The following DST variants were observed in gnomAD, a reference collection of about 807,000 sequenced individuals.
DST encodes dystonin.
Under a neutral mutation model 875.2 loss-of-function variants are expected in DST, and 253 were observed. That is an observed-to-expected ratio of 0.29 (90% CI 0.26 to 0.32). The LOEUF is 0.32. DST is among the 10% of genes least tolerant of loss of function. The pLI is 1.00. For missense variants in DST, 8,287 were observed against 9,111.6 expected (o/e 0.91, Z 3.68); for synonymous variants, 3,124 against 3,197.1 (o/e 0.98, Z 0.77).
In DST at chr6:56,522,339, C is replaced by A. The variant is rs76758085; in HGVS notation, c.18129+4022G>T. ...AGCCTGAGATTCTAACGAAGGTGGT[C>A]TGACTTCTAGACTGCCAAATATCAC... On this transcript the variant is annotated intron_variant, in intron 69 of 103. Transcript: ENST00000680361. Among the ~76,000 whole-genome samples, 1,020 of 152,240 alleles carry A rather than the reference C, an allele frequency of 6.7e-3. 10 individuals are homozygous for A. The highest frequency in any genetic ancestry group is 0.023 in the African/African-American group (965 of 41,546).
intron 36 of DST, chr6:56,615,041 C>T: frequency 3.0e-6 from 3 of 1,002,084 alleles, no homozygotes; most frequent in Non-Finnish European, 3.6e-6. Flanking sequence ...AAAGGCAAAA[C>T]TTTTTCATTT....
chr6:56,903,867 C>A (rs1482409284), intron 2 of DST, among the ~76,000 whole-genome samples: 1 of 152,080 alleles, frequency 6.6e-6, no homozygotes, highest in Admixed American at 6.6e-5. Context: ...TCTTTTATAC[C>A]CAAATTTACT....
chr6:56,547,628 T>C (rs1049140247), intron 61 of DST, among the ~76,000 whole-genome samples: 1 of 152,204 alleles, frequency 6.6e-6, no homozygotes, highest in Non-Finnish European at 1.5e-5. Context: ...ATGAACACTT[T>C]AAAAGTACTA....
chr6:56,485,355 T>A lies in DST; in HGVS notation c.21164A>T (p.His7055Leu). Residue 7055 changes from histidine to leucine, a missense_variant, in exon 88 of 104, where the codon CAT becomes CTT. By Grantham distance (99) the His-to-Leu change is moderately conservative. Coordinates refer to ENST00000680361, the MANE Select transcript of DST (RefSeq NM_001374736.1). Reference sequence around the variant, plus strand: ...ATTCATCACCAAATCAATGTCTCCATGAACAGGCTGGTCTTCTGCCAGCTG... The same window carrying A: ...ATTCATCACCAAATCAATGTCTCCAAGAACAGGCTGGTCTTCTGCCAGCTG... ...EPQLAEDQPV[H>L]GDIDLVMNLI... 1 of 1,613,882 alleles carries A rather than the reference T, an allele frequency of 6.2e-7. No individual in the cohort carries two copies. The highest frequency in any genetic ancestry group is 8.5e-7 in the Non-Finnish European group (1 of 1,179,832).
At chr6:56,477,180 A>G (rs2095235206) in intron 91 of DST, among the ~76,000 whole-genome samples, 165 bp downstream of exon 91, 2 of 152,198 alleles carry the variant, frequency 1.3e-5, no homozygotes, top group Admixed American at 1.3e-4. Context: ...AGAAAAGTGA[A>G]TTGCAGAGAT....
At chr6:56,610,283 T>C in intron 39 of DST, 144 bp downstream of exon 39, 1 of 623,572 alleles carries the variant, frequency 1.6e-6, no homozygotes, top group Non-Finnish European at 2.6e-6. Flanking sequence ...CACTGGAATC[T>C]CCAAACATTT....
In DST at chr6:56,617,037, G is replaced by A. The variant is rs758459323; in HGVS notation, c.4930-2553C>T. On this transcript the variant is annotated intron_variant, in intron 36 of 103. Coordinates refer to ENST00000680361, the MANE Select transcript of DST (RefSeq NM_001374736.1). Reference sequence around the variant, plus strand: ...GAAATCTTTTCTTTTGTAGATTCTAGGTAAAGCCCTGCAATTGAGGTGGCT... The same window carrying A: ...GAAATCTTTTCTTTTGTAGATTCTAAGTAAAGCCCTGCAATTGAGGTGGCT... 3.7e-6 allele frequency: 6 copies of A among 1,613,854 alleles called. No individual in the cohort carries two copies. In the East Asian group the frequency reaches 1.3e-4, roughly 36 times the overall value.
intron 10 of DST, among the ~76,000 whole-genome samples, chr6:56,652,407 A>G (rs530224186): frequency 6.6e-6 from 1 of 152,224 alleles, no homozygotes; most frequent in African/African-American, 2.4e-5. Flanking sequence ...AAAATCACTG[A>G]GTAAGAACCT....
Position 56,566,634 on chromosome 6 carries a change from T to C in DST, c.14005+1835A>G, listed in dbSNP as rs367697670. Among the ~76,000 whole-genome samples, 44 of 152,320 alleles carry C rather than the reference T, an allele frequency of 2.9e-4. No individual in the cohort carries two copies. The East Asian group carries it at 4.6e-3, about 16-fold the overall frequency. On this transcript the variant is annotated intron_variant, in intron 55 of 103. Coordinates refer to ENST00000680361, the MANE Select transcript of DST (RefSeq NM_001374736.1). ...CACTGGGAGCTGCAGACTGGAGCTG[T>C]TCCTATTCAGCCATCTTGCCAGCCA...
At chr6:56,473,771 C>T in intron 93 of DST, 102 bp downstream of exon 93, 1 of 1,080,478 alleles carries the variant, frequency 9.3e-7, no homozygotes, top group Non-Finnish European at 1.3e-6. Context: ...ATCAAGTGCT[C>T]ATGTAAAATC....
At chr6:56,557,227 A>G in intron 59 of DST, 92 bp downstream of exon 59, 1 of 1,232,224 alleles carries the variant, frequency 8.1e-7, no homozygotes. Flanking sequence ...TAAAACACCT[A>G]CTGACCAAAG....
At chr6:56,897,130 T>C (rs1262426931) in intron 3 of DST, among the ~76,000 whole-genome samples, 2 of 152,154 alleles carry the variant, frequency 1.3e-5, no homozygotes, top group Admixed American at 6.5e-5. Context: ...TATCTTGAGT[T>C]GATTTTTGTA....
intron 60 of DST, among the ~76,000 whole-genome samples, chr6:56,554,252 T>C (rs1185392200): frequency 2.6e-5 from 4 of 151,564 alleles, no homozygotes; most frequent in African/African-American, 9.7e-5. Context: ...GCCCGGCTAA[T>C]TTTTTGTATT....
intron 4 of DST, among the ~76,000 whole-genome samples, chr6:56,824,354 C>G (rs895513910): frequency 1.3e-5 from 2 of 152,190 alleles, no homozygotes; most frequent in African/African-American, 4.8e-5. Flanking sequence ...GATCTCGGCT[C>G]GCTACAACCA....
chr6:56,900,956 C>A (rs116671634), intron 2 of DST, among the ~76,000 whole-genome samples: 1 of 151,092 alleles, frequency 6.6e-6, no homozygotes, highest in Non-Finnish European at 1.5e-5. Context: ...TGAAGAAGGG[C>A]GTTTCCATTT....
At chr6:56,669,396 G>A (rs547214266) in intron 10 of DST, among the ~76,000 whole-genome samples, 18 of 150,846 alleles carry the variant, frequency 1.2e-4, no homozygotes, top group Non-Finnish European at 2.4e-4. Flanking sequence ...AGGAGTTCAA[G>A]ACCAGCCTGG....
At chr6:56,612,598 T>C (rs2098554403) in intron 37 of DST, among the ~76,000 whole-genome samples, 1 of 152,186 alleles carries the variant, frequency 6.6e-6, no homozygotes, top group African/African-American at 2.4e-5. Context: ...GAGGAAATAA[T>C]GGGCCAATGA....
At chr6:56,547,320 G>T (rs1169993488) in intron 61 of DST, among the ~76,000 whole-genome samples, 1 of 152,130 alleles carries the variant, frequency 6.6e-6, no homozygotes, top group Non-Finnish European at 1.5e-5. Flanking sequence ...ACCAGCATAT[G>T]GAGTATTCTT....
rs1361999339 is a variant in DST at position 56,497,388 on chromosome 6, A to T, written c.20214T>A (p.Asn6738Lys). Reference protein sequence around the residue: ...GLPETAKEQLNVHMEVCAAFE... With the variant: ...GLPETAKEQLKVHMEVCAAFE... The stretch of plus-strand genomic sequence containing the variant: ...GAAATACTTTGCTTACCATATGGAC[A>T]TTAAGCTGCTCCTTGGCTGTTTCCG... Residue 6738 changes from asparagine (N) to lysine (K), a missense_variant, in exon 82 of 104, where the codon AAT becomes AAA. Transcript: ENST00000680361. 1 of 1,613,014 alleles carries T rather than the reference A, an allele frequency of 6.2e-7. No individual in the cohort carries two copies. The highest frequency in any genetic ancestry group is 1.1e-5 in the South Asian group (1 of 91,050).
Sources: allele counts gnomAD v4.1 joint callset (sites outside exome capture counted in the v4.1 genomes callset), GRCh38; gene constraint gnomAD v4.1.1; transcripts MANE v1.5; gene names NCBI Gene and HGNC (gene_info 2026-07-23, HGNC 2026-07-21).